The following PKHD1L1 variants were observed in gnomAD, a reference collection of about 807,000 sequenced individuals.
PKHD1L1 encodes PKHD1 like 1.
In PKHD1L1, 434 loss-of-function variants were observed where a neutral mutation model predicts 462.9. The observed-to-expected ratio is 0.94, with a 90% confidence interval of 0.87 to 1.02. The LOEUF is 1.02. Ranked by LOEUF, PKHD1L1 falls within the 50% of genes least tolerant of loss-of-function variation. PKHD1L1 has a pLI of 0.00. For missense variants in PKHD1L1, 5,202 were observed against 5,096.1 expected (o/e 1.02, Z -0.63); for synonymous variants, 1,781 against 1,750.0 (o/e 1.02, Z -0.44).
At position 109,409,897 on chromosome 8, in the gene PKHD1L1, TAA is replaced by T. The variant is rs1431636037; in HGVS notation, c.2005_2006del (p.Lys669ValfsTer9). 6.2e-7 allele frequency: 1 copy of T among 1,605,588 alleles called. No homozygotes were observed. Among genetic ancestry groups the T allele is most frequent in the Non-Finnish European group, 8.5e-7 (1 of 1,176,714 alleles). ...GAGCAGTGGAAGAAATGGTTAGCAC[TAA>T]GTGTCCACCACAAATTGCAAATTTT... is the stretch of plus-strand genomic sequence containing the variant. ...QGAVEEMVST[K>X]CPPQIANFEE... On this transcript the variant is annotated frameshift_variant, in exon 19 of 78. Transcript: ENST00000378402. LOFTEE classifies it high-confidence loss of function.
chr8:109,409,804 G>T, intron 18 of PKHD1L1, 61 bp from the exon 19 acceptor site: 1 of 875,192 alleles, frequency 1.1e-6, no homozygotes, highest in Non-Finnish European at 1.7e-6. Flanking sequence ...TCAGTAGTAG[G>T]ATTACGAGTG....
chr8:109,415,436 C>G (rs1434581999), intron 21 of PKHD1L1, among the ~76,000 whole-genome samples: 2 of 152,160 alleles, frequency 1.3e-5, no homozygotes, highest in Non-Finnish European at 2.9e-5. Flanking sequence ...TAAGAACTAT[C>G]TTTTAGAGGA....
intron 54 of PKHD1L1, 127 bp from the exon 55 acceptor site, chr8:109,479,864 T>A: frequency 1.0e-6 from 1 of 974,424 alleles, no homozygotes; most frequent in Non-Finnish European, 1.5e-6. Context: ...GAGATAGGAA[T>A]CAGGTATTAT....
Position 109,398,513 on chromosome 8 carries a change from C to A in PKHD1L1, c.977C>A (p.Pro326His). The part of the protein sequence containing the change: ...VTENSICCKT[P>H]PKPHILKTVY... ...GAAAATAGTATATGTTGCAAGACAC[C>A]CCCCAAACCTCATATTCTCAAAACT... The change falls in exon 12 of 78, where the codon CCC becomes CAC. Residue 326 changes from proline to histidine, a missense_variant. Transcript: ENST00000378402. 2 of 1,574,274 alleles carry A rather than the reference C, an allele frequency of 1.3e-6. No homozygotes were observed. The highest frequency in any genetic ancestry group is 8.7e-7 in the Non-Finnish European group (1 of 1,155,968).
At chr8:109,452,096 CAT>C in intron 41 of PKHD1L1, 26 bp from the exon 42 acceptor site, 2 of 1,586,004 alleles carry the variant, frequency 1.3e-6, no homozygotes, top group Non-Finnish European at 1.7e-6. Context: ...GAAAAACATA[CAT>C]GTTATGTTTT....
rs1818547194 is a variant in PKHD1L1, at chr8:109,486,720, A to G, written c.9779A>G (p.Asn3260Ser). 1 of 1,612,422 alleles carries G rather than the reference A, an allele frequency of 6.2e-7. No homozygotes were observed. Among genetic ancestry groups the G allele is most frequent in the Admixed American group, 1.7e-5 (1 of 59,892 alleles). Residue 3260 changes from asparagine to serine, a missense_variant, in exon 59 of 78, where the codon AAC becomes AGC. Transcript: ENST00000378402. ...LAADVGILSR[N>S]IKIVGEDYPG... The stretch of plus-strand genomic sequence containing the variant: ...GCTGATGTTGGGATACTGAGTAGGA[A>G]CATCAAAATAGTTGGTGAAGATTAC...
rs577619072 is a variant in PKHD1L1, at chr8:109,535,211, A to T, written c.*5121A>T. Among the ~76,000 whole-genome samples, 7 of 152,324 alleles carry T rather than the reference A, an allele frequency of 4.6e-5. No homozygotes were observed. Among genetic ancestry groups the T allele is most frequent in the African/African-American group, 1.4e-4 (6 of 41,580 alleles). On this transcript the variant is annotated 3_prime_UTR_variant, in exon 78 of 78. Transcript: ENST00000378402. Reference sequence around the variant, plus strand: ...GGCTCTGTGCCTATGAGCAAAAAAAAAAAATTCCTTTTGTGCAAGATATTT... The same window carrying T: ...GGCTCTGTGCCTATGAGCAAAAAAATAAAATTCCTTTTGTGCAAGATATTT...
At chr8:109,459,903 A>G (rs1444989504) in intron 47 of PKHD1L1, 67 bp downstream of exon 47, 4 of 1,352,066 alleles carry the variant, frequency 3.0e-6, no homozygotes, top group Non-Finnish European at 3.9e-6. Flanking sequence ...ATTGGTTTAT[A>G]TTGAAATACA....
chr8:109,503,650 T>A (rs1819548037), intron 67 of PKHD1L1, among the ~76,000 whole-genome samples: 1 of 152,216 alleles, frequency 6.6e-6, no homozygotes, highest in Non-Finnish European at 1.5e-5. Flanking sequence ...TTTAGCCACA[T>A]AATATATACA....
At chr8:109,511,032 GCC>G in intron 71 of PKHD1L1, 98 bp downstream of exon 71, 1 of 1,341,368 alleles carries the variant, frequency 7.5e-7, no homozygotes, top group Non-Finnish European at 1.0e-6. Flanking sequence ...AACATTGTCA[GCC>G]TTACAGCTCA....
rs1354648186 is a variant in PKHD1L1, at chr8:109,420,524, C to T, written c.2531C>T (p.Pro844Leu). The T allele has an allele frequency of 6.4e-7, 1 of 1,571,706 alleles. No homozygotes were observed. The highest frequency in any genetic ancestry group is 2.0e-5 in the Admixed American group (1 of 51,260). The change falls in exon 23 of 78, where the codon CCC (proline) becomes CTC (leucine). Residue 844 changes from proline to leucine, a missense_variant. Pro to Leu is a moderately conservative substitution (Grantham distance 98, BLOSUM62 -3). Around this residue, in one of 3 missense-constraint regions of PKHD1L1, gnomAD observed 4,497 missense variants for 4,336.8 expected, o/e 1.04. Transcript: ENST00000378402. ...TSTISTLDEM[P>L]KRRLPALANK... ...TTTTATTTATATTCTTTAGAAATGC[C>T]CAAGAGAAGACTTCCTGCATTAGCA...
chr8:109,394,627 G>C (rs774902475), intron 10 of PKHD1L1, 142 bp downstream of exon 10: 36 of 453,138 alleles, frequency 7.9e-5, no homozygotes, highest in Middle Eastern at 4.5e-4. Context: ...CTAAGATGGG[G>C]AGTCTAACAG....
rs775065386 is a variant in PKHD1L1, at chr8:109,479,616, G to A, written c.9155G>A (p.Gly3052Glu). 2 of 1,518,932 alleles carry A rather than the reference G, an allele frequency of 1.3e-6. No individual in the cohort carries two copies. Among genetic ancestry groups the A allele is most frequent in the Admixed American group, 1.8e-5 (1 of 55,672 alleles). The allele number at this position is 1,518,932 out of a possible 1,614,324, so 94.1% of individuals were successfully genotyped here. The change falls in exon 54 of 78, where the codon GGG (glycine) becomes GAG (glutamate). Residue 3052 changes from glycine to glutamate, a missense_variant. By Grantham distance (98) the Gly-to-Glu change is moderately conservative (BLOSUM62 -2). This residue lies in a region of PKHD1L1 where 4,497 missense variants were observed against 4,336.8 expected (regional missense o/e 1.04). Transcript: ENST00000378402. ...AATAATTATACTGTACCTCACCCAG[G>A]GGCAAATGTGATTATACCTGAAGGT... The part of the protein sequence containing the change: ...RENNYTVPHP[G>E]ANVIIPEGTW...
In PKHD1L1 at chr8:109,491,927, C is replaced by T. The variant is rs541350761; in HGVS notation, c.10169C>T (p.Ser3390Leu). 23 of 1,603,910 alleles carry T rather than the reference C, an allele frequency of 1.4e-5. No individual in the cohort carries two copies. Among genetic ancestry groups the T allele is most frequent in the East Asian group, 4.5e-5 (2 of 44,738 alleles). The change falls in exon 62 of 78, where the codon TCG (serine) becomes TTG (leucine). Residue 3390 changes from serine to leucine, a missense_variant. Around this residue, in one of 3 missense-constraint regions of PKHD1L1, gnomAD observed 4,497 missense variants for 4,336.8 expected, o/e 1.04. Coordinates refer to ENST00000378402, the MANE Select transcript of PKHD1L1 (RefSeq NM_177531.6). ...NRVRGNLIAL[S>L]VWPGTYQNRK... ...GTCCGAGGGAATTTGATTGCACTTT[C>T]GGTTTGGCCAGGAACCTATCAGAAC...
At chr8:109,487,876 AAGAG>A (rs36049709) in intron 59 of PKHD1L1, among the ~76,000 whole-genome samples, 3 of 115,062 alleles carry the variant, frequency 2.6e-5, no homozygotes, top group Admixed American at 9.4e-5. Flanking sequence ...GACAGAGAGA[AAGAG>A]AGAGAGAGAG....
At chr8:109,491,619 C>T (rs1223030464) in intron 61 of PKHD1L1, among the ~76,000 whole-genome samples, 1 of 151,694 alleles carries the variant, frequency 6.6e-6, no homozygotes, top group Admixed American at 6.6e-5. Flanking sequence ...TAAATAAAAT[C>T]TGAGATGGAC....
chr8:109,413,380 G>C, intron 20 of PKHD1L1, 41 bp from the exon 21 acceptor site: 1 of 1,302,414 alleles, frequency 7.7e-7, no homozygotes, highest in Non-Finnish European at 1.0e-6. Context: ...ACAATGTAAT[G>C]GTAATATATT....
rs865986886 is a variant in PKHD1L1, at chr8:109,451,044, C to T, written c.6245C>T (p.Pro2082Leu). The change falls in exon 41 of 78, where the codon CCG becomes CTG. Residue 2082 changes from proline (P) to leucine (L), a missense_variant. Physicochemically the swap from Pro to Leu is moderately conservative, Grantham distance 98. Around this residue, in one of 3 missense-constraint regions of PKHD1L1, gnomAD observed 4,497 missense variants for 4,336.8 expected, o/e 1.04. Coordinates refer to ENST00000378402, the MANE Select transcript of PKHD1L1 (RefSeq NM_177531.6). ...NGKDLSQSMT[P>L]FTYAVSLTPL... ...AAAGATTTGTCACAGTCCATGACTC[C>T]GTTTACGTACGCAGTGTCACTGACT... The T allele has an allele frequency of 1.3e-5, 21 of 1,613,678 alleles. No homozygotes were observed. In the Middle Eastern group the frequency reaches 4.9e-4, roughly 38 times the overall value.
intron 53 of PKHD1L1, 130 bp from the exon 54 acceptor site, chr8:109,479,421 A>G: frequency 1.6e-6 from 1 of 619,398 alleles, no homozygotes; most frequent in Non-Finnish European, 2.7e-6. Flanking sequence ...CTTTAAAAGG[A>G]CAAAGCGTGC....
Sources: gnomAD v4.1 joint callset for allele counts (sites outside exome capture counted in the v4.1 genomes callset) on GRCh38, gnomAD v4.1.1 for gene constraint, gnomAD v4.1.1 regional missense constraint, MANE v1.5 for transcripts, NCBI Gene and HGNC (gene_info 2026-07-23, HGNC 2026-07-21) for gene names.